UBE2E2: variants seen among roughly 807,000 people sequenced by gnomAD.
UBE2E2 encodes the protein ubiquitin conjugating enzyme E2 E2.
Under a neutral mutation model 24.7 loss-of-function variants are expected in UBE2E2, and 6 were observed. That is an observed-to-expected ratio of 0.24 (90% CI 0.13 to 0.48). The LOEUF (loss-of-function observed/expected upper bound fraction) is 0.48, where lower values mean the gene tolerates loss of function less well. Among genes scored for constraint, UBE2E2 ranks in the 20% least tolerant of loss-of-function variants. UBE2E2 has a pLI of 0.99. For missense variants in UBE2E2, 169 were observed against 245.0 expected (o/e 0.69, Z 2.07); for synonymous variants, 104 against 83.6 (o/e 1.24, Z -1.33).
At chr3:23,374,187 T>C (rs1005425242) in intron 3 of UBE2E2, among the ~76,000 whole-genome samples, 4 of 152,184 alleles carry the variant, frequency 2.6e-5, no homozygotes, top group Non-Finnish European at 5.9e-5. Flanking sequence ...AAATTTGTCG[T>C]ATTCCCAGCT....
At chr3:23,466,899 A>G (rs1287517967) in intron 3 of UBE2E2, among the ~76,000 whole-genome samples, 1 of 152,088 alleles carries the variant, frequency 6.6e-6, no homozygotes, top group Non-Finnish European at 1.5e-5. Context: ...TTTTTCTTAT[A>G]ATGACATATT....
intron 3 of UBE2E2, among the ~76,000 whole-genome samples, chr3:23,495,505 T>C (rs1439636448): frequency 6.6e-6 from 1 of 152,226 alleles, no homozygotes; most frequent in Admixed American, 6.5e-5. Flanking sequence ...TGTTTGTGTA[T>C]GTTATTTCAT....
chr3:23,494,320 C>T (rs1417828816), intron 3 of UBE2E2, among the ~76,000 whole-genome samples: 6 of 152,116 alleles, frequency 3.9e-5, no homozygotes, highest in Admixed American at 6.5e-5. Flanking sequence ...TACATCTTTA[C>T]GCCAATACAT....
At position 23,285,316 on chromosome 3, in the gene UBE2E2, G is replaced by A. The variant is rs376543005; in HGVS notation, c.227+68004G>A. ...AGGTTGCTTCCAAATCTTTGCTATCGTGAATAGTGCTGCAATAAACGTGGG... is the reference window on the plus strand; with the variant it reads ...AGGTTGCTTCCAAATCTTTGCTATCATGAATAGTGCTGCAATAAACGTGGG... On this transcript the variant is annotated intron_variant, in intron 3 of 5. Transcript: ENST00000396703. 1.5e-4 allele frequency among the ~76,000 whole-genome samples: 23 copies of A among 152,186 alleles called. No homozygotes were observed. In the East Asian group the frequency reaches 3.3e-3, roughly 22 times the overall value.
Position 23,242,936 on chromosome 3 carries a change from C to G in UBE2E2, c.227+25624C>G, listed in dbSNP as rs776876382. Among the ~76,000 whole-genome samples, 51 of 151,804 alleles carry G rather than the reference C, an allele frequency of 3.4e-4. 1 individual carries two copies. Among genetic ancestry groups the G allele is most frequent in the Admixed American group, 2.0e-3 (30 of 15,220 alleles). On this transcript the variant is annotated intron_variant, in intron 3 of 5. Coordinates refer to ENST00000396703, the MANE Select transcript of UBE2E2 (RefSeq NM_152653.4). Reference sequence around the variant, plus strand: ...CCCTGTCTCTACTAAAAACACAAAACTTAGGTGGGTGTGTTGGCTTATGCC... The same window carrying G: ...CCCTGTCTCTACTAAAAACACAAAAGTTAGGTGGGTGTGTTGGCTTATGCC...
intron 3 of UBE2E2, among the ~76,000 whole-genome samples, chr3:23,378,300 A>G (rs1395602584): frequency 1.3e-5 from 2 of 151,544 alleles, no homozygotes; most frequent in Non-Finnish European, 1.5e-5. Flanking sequence ...TCTTGCTTTC[A>G]TTAGAGTATA....
chr3:23,274,585 C>CA (rs1698334298), intron 3 of UBE2E2, among the ~76,000 whole-genome samples: 1 of 152,022 alleles, frequency 6.6e-6, no homozygotes, highest in Admixed American at 6.5e-5. Context: ...TGGTCTTGAA[C>CA]TCCTGGGCTA....
At chr3:23,398,719 G>A (rs1697140660) in intron 3 of UBE2E2, among the ~76,000 whole-genome samples, 1 of 152,124 alleles carries the variant, frequency 6.6e-6, no homozygotes, top group Non-Finnish European at 1.5e-5. Flanking sequence ...TTGTTTCTCT[G>A]CCTGGAAATT....
At chr3:23,224,849 G>A (rs1696774602) in intron 3 of UBE2E2, among the ~76,000 whole-genome samples, 1 of 151,900 alleles carries the variant, frequency 6.6e-6, no homozygotes, top group Non-Finnish European at 1.5e-5. Context: ...ATTTCTCTTA[G>A]ATATGTACCT....
Position 23,247,357 on chromosome 3 carries a change from A to ATT in UBE2E2, c.227+30060_227+30061dup, listed in dbSNP as rs201663345. ...TACATATTATTTAGTCTCTGAGTGTATTTTTTTTTTTTTTTTGAGACGGAG... is the reference window on the plus strand; with the variant it reads ...TACATATTATTTAGTCTCTGAGTGTATTTTTTTTTTTTTTTTTTGAGACGGAG... On this transcript the variant is annotated intron_variant, in intron 3 of 5. Coordinates refer to ENST00000396703, the MANE Select transcript of UBE2E2 (RefSeq NM_152653.4). 7.9e-5 allele frequency among the ~76,000 whole-genome samples: 11 copies of ATT among 138,744 alleles called. 1 individual carries two copies. The East Asian group carries it at 1.0e-3, about 13-fold the overall frequency. 91.0% of individuals were successfully genotyped at this position (138,744 alleles called of 152,430 possible).
chr3:23,585,990 G>C lies in UBE2E2; in HGVS notation c.509-3744G>C, dbSNP rs540401946. Among the ~76,000 whole-genome samples, 26 of 151,628 alleles carry C rather than the reference G, an allele frequency of 1.7e-4. No individual in the cohort carries two copies. In the South Asian group the frequency reaches 3.5e-3, roughly 21 times the overall value. Reference sequence around the variant, plus strand: ...AAGTTTAACATTCTGCTAAGAAACAGTATTTTCAGACTTTCACATTGAAAA... The same window carrying C: ...AAGTTTAACATTCTGCTAAGAAACACTATTTTCAGACTTTCACATTGAAAA... On this transcript the variant is annotated intron_variant, in intron 5 of 5. Transcript: ENST00000396703.
chr3:23,256,499 T>C (rs1697725694), intron 3 of UBE2E2, among the ~76,000 whole-genome samples: 1 of 152,218 alleles, frequency 6.6e-6, no homozygotes, highest in Non-Finnish European at 1.5e-5. Context: ...TCAAACTATA[T>C]TCTTTGAGCA....
In UBE2E2 at chr3:23,308,609, T is replaced by C. The variant is rs575206566; in HGVS notation, c.227+91297T>C. ...GTATTCTTATTAGACACTTGACATC[T>C]GTTAGTCTCAAAATTTGCTATGTTT... On this transcript the variant is annotated intron_variant, in intron 3 of 5. Coordinates refer to ENST00000396703, the MANE Select transcript of UBE2E2 (RefSeq NM_152653.4). Among the ~76,000 whole-genome samples the C allele has an allele frequency of 5.8e-4, 89 of 152,342 alleles. 1 individual carries two copies. In the Middle Eastern group the frequency reaches 0.024, roughly 41 times the overall value.
intron 3 of UBE2E2, among the ~76,000 whole-genome samples, chr3:23,481,694 C>T (rs1010648701): frequency 2.0e-5 from 3 of 152,312 alleles, no homozygotes; most frequent in African/African-American, 7.2e-5. Flanking sequence ...ATCTGCCTGG[C>T]AGCCAACAAC....
chr3:23,204,814 G>A (rs1468953668), intron 1 of UBE2E2: 15 of 932,630 alleles, frequency 1.6e-5, no homozygotes, highest in Non-Finnish European at 1.9e-5. Flanking sequence ...GAAAAGTTTA[G>A]AAACATGAGT....
chr3:23,370,702 A>C (rs1173966070), intron 3 of UBE2E2, among the ~76,000 whole-genome samples: 1 of 152,192 alleles, frequency 6.6e-6, no homozygotes, highest in Non-Finnish European at 1.5e-5. Flanking sequence ...GATGGAGGAG[A>C]TCATAAGTTC....
intron 3 of UBE2E2, among the ~76,000 whole-genome samples, chr3:23,458,668 C>T (rs144618751): frequency 0.13 from 19,164 of 152,056 alleles, 1,306 homozygotes; most frequent in Middle Eastern, 0.2. Context: ...CCGCCCACCT[C>T]GGCCTCCCAA....
intron 3 of UBE2E2, among the ~76,000 whole-genome samples, chr3:23,224,675 G>T (rs572086272): frequency 6.6e-6 from 1 of 151,740 alleles, no homozygotes; most frequent in Non-Finnish European, 1.5e-5. Flanking sequence ...TCTGGCCTTT[G>T]TTCCTACTTG....
At chr3:23,535,464 A>G (rs1217359149) in intron 5 of UBE2E2, among the ~76,000 whole-genome samples, 1 of 152,058 alleles carries the variant, frequency 6.6e-6, no homozygotes, top group African/African-American at 2.4e-5. Flanking sequence ...TAGGATTATC[A>G]CTCAGGTGGC....
Sources: gnomAD v4.1 joint callset for allele counts (sites outside exome capture counted in the v4.1 genomes callset) on GRCh38, gnomAD v4.1.1 for gene constraint, MANE v1.5 for transcripts, NCBI Gene and HGNC (gene_info 2026-07-23, HGNC 2026-07-21) for gene names.